Variants in FAM168A observed in about 807,000 individuals in gnomAD.
FAM168A encodes protein FAM168A.
In FAM168A, 3 loss-of-function variants were observed where a neutral mutation model predicts 28.5. The ratio of observed to expected loss-of-function variants is 0.11; its 90% CI spans 0.05 to 0.27. The LOEUF (loss-of-function observed/expected upper bound fraction) is 0.27, where lower values mean the gene tolerates loss of function less well. FAM168A is among the 10% of genes least tolerant of loss of function. The probability of loss-of-function intolerance (pLI) is 1.00; values close to 1 mark genes in which losing one functional copy is unlikely to be tolerated. For synonymous variants in FAM168A, 122 were observed against 124.2 expected (o/e 0.98, Z 0.12); for missense variants, 222 against 311.5 (o/e 0.71, Z 2.16).
At chr11:73,446,587 G>T (rs1299988878) in intron 2 of FAM168A, among the ~76,000 whole-genome samples, 1 of 152,172 alleles carries the variant, frequency 6.6e-6, no homozygotes, top group Non-Finnish European at 1.5e-5. Flanking sequence ...TTTGCTGGAG[G>T]AAGCCTGAGG....
intron 1 of FAM168A, among the ~76,000 whole-genome samples, chr11:73,529,185 A>C (rs1490151167): frequency 6.6e-6 from 1 of 152,182 alleles, no homozygotes; most frequent in Non-Finnish European, 1.5e-5. Flanking sequence ...AAGAGAAATC[A>C]CTTCCACAGA....
At position 73,511,393 on chromosome 11, in the gene FAM168A, C is replaced by T. The variant is rs569570669; in HGVS notation, c.-18-42901G>A. Among the ~76,000 whole-genome samples the T allele has an allele frequency of 2.5e-3, 382 of 152,096 alleles. 3 individuals are homozygous for T. Among genetic ancestry groups the T allele is most frequent in the Non-Finnish European group, 3.0e-3 (207 of 67,986 alleles). On this transcript the variant is annotated intron_variant, in intron 1 of 7. Transcript: ENST00000356467. ...CTGAGACTACAGGCACCGGCCACTACGCCCGGCTAATTTTTTATATTTTCA... is the reference window on the plus strand; with the variant it reads ...CTGAGACTACAGGCACCGGCCACTATGCCCGGCTAATTTTTTATATTTTCA...
chr11:73,447,824 G>A (rs1386830912), intron 2 of FAM168A, among the ~76,000 whole-genome samples: 10 of 151,724 alleles, frequency 6.6e-5, no homozygotes. Flanking sequence ...TTTCCCTACT[G>A]ATTCAACTTC....
At chr11:73,480,283 G>C in intron 1 of FAM168A, among the ~76,000 whole-genome samples, 1 of 152,098 alleles carries the variant, frequency 6.6e-6, no homozygotes, top group East Asian at 1.9e-4. Flanking sequence ...AACCACCAGA[G>C]CATTCAGCCC....
chr11:73,549,355 C>T (rs1416376737), intron 1 of FAM168A, among the ~76,000 whole-genome samples: 2 of 152,168 alleles, frequency 1.3e-5, no homozygotes, highest in Non-Finnish European at 2.9e-5. Context: ...AGCCATTAAC[C>T]ATTCATAGCT....
rs193146395 is a variant in FAM168A, at chr11:73,581,580, T to G, written c.-19+16343A>C. Among the ~76,000 whole-genome samples the G allele has an allele frequency of 1.6e-3, 238 of 152,258 alleles. 1 individual carries two copies. The highest frequency in any genetic ancestry group is 5.3e-3 in the African/African-American group (219 of 41,576). ...GTTCTTCTGACTCCATGTCCAGAAT[T>G]GTCCACACATAAGACCTAGTCTTCT... is the stretch of plus-strand genomic sequence containing the variant. On this transcript the variant is annotated intron_variant, in intron 1 of 7. Coordinates refer to ENST00000356467, the MANE Select transcript of FAM168A (RefSeq NM_015159.3).
chr11:73,589,966 T>C (rs116184342), intron 1 of FAM168A, among the ~76,000 whole-genome samples: 2,345 of 152,290 alleles, frequency 0.015, 63 homozygotes, highest in African/African-American at 0.054. Flanking sequence ...GGACTGGATT[T>C]TCTTTATATT....
At chr11:73,482,393 G>A (rs60642896) in intron 1 of FAM168A, among the ~76,000 whole-genome samples, 2,017 of 151,596 alleles carry the variant, frequency 0.013, 44 homozygotes, top group African/African-American at 0.045. Context: ...TAGAAAGACC[G>A]ACAAATAAAT....
At chr11:73,571,329 T>C (rs1944086287) in intron 1 of FAM168A, among the ~76,000 whole-genome samples, 1 of 146,294 alleles carries the variant, frequency 6.8e-6, no homozygotes, top group South Asian at 2.2e-4. Flanking sequence ...CCATCTCAGC[T>C]CACTGCAACC....
chr11:73,436,062 T>C (rs1412559658), intron 2 of FAM168A, among the ~76,000 whole-genome samples: 3 of 152,172 alleles, frequency 2.0e-5, no homozygotes, highest in Non-Finnish European at 4.4e-5. Flanking sequence ...TTTGTATTTT[T>C]TGAAGGTCAA....
intron 1 of FAM168A, among the ~76,000 whole-genome samples, chr11:73,545,016 A>T (rs1412490290): frequency 1.5e-3 from 134 of 87,906 alleles, no homozygotes; most frequent in Admixed American, 2.1e-3. Context: ...TACTATATAT[A>T]TAGTATATAT....
In FAM168A at chr11:73,430,748, T is replaced by G; in HGVS notation, c.93A>C (p.Ala31=). ...AYTGYPTAYP[A]AAPAYNPSLY... is the part of the protein sequence containing the mutation. ...GGCTGGGATTGTAGGCAGGGGCAGC[T>G]GCTGGATAGGCTGTGGGGTAACCTA... Residue 31 remains alanine (A), a synonymous_variant, in exon 3 of 8, where the codon GCA becomes GCC. Transcript: ENST00000356467. 1 of 1,613,378 alleles carries G rather than the reference T, an allele frequency of 6.2e-7. No individual in the cohort carries two copies. The highest frequency in any genetic ancestry group is 8.5e-7 in the Non-Finnish European group (1 of 1,179,586).
chr11:73,486,587 G>C (rs140229692), intron 1 of FAM168A, among the ~76,000 whole-genome samples: 14 of 152,260 alleles, frequency 9.2e-5, no homozygotes, highest in Admixed American at 3.3e-4. Flanking sequence ...ATCACAAACT[G>C]TAAGTCTGAC....
chr11:73,480,993 T>G (rs1867960512), intron 1 of FAM168A, among the ~76,000 whole-genome samples: 2 of 152,236 alleles, frequency 1.3e-5, no homozygotes, highest in South Asian at 4.1e-4. Context: ...TTACACATGC[T>G]GTTTTGTTTT....
At chr11:73,582,042 T>C (rs1276222157) in intron 1 of FAM168A, among the ~76,000 whole-genome samples, 1 of 152,042 alleles carries the variant, frequency 6.6e-6, no homozygotes, top group Middle Eastern at 3.2e-3. Flanking sequence ...ACCTTGTCTC[T>C]ATTGCATCTG....
intron 1 of FAM168A, among the ~76,000 whole-genome samples, chr11:73,495,003 CA>C (rs1388684863): frequency 9.5e-5 from 12 of 126,984 alleles, no homozygotes; most frequent in Admixed American, 1.7e-4. Flanking sequence ...GAGACTGTCT[CA>C]AAAAAAAAAG....
chr11:73,453,759 C>T (rs866451633), intron 2 of FAM168A, among the ~76,000 whole-genome samples: 3 of 152,350 alleles, frequency 2.0e-5, no homozygotes, highest in Middle Eastern at 3.4e-3. Context: ...CTCCCCACTA[C>T]ATTACGCAAC....
intron 2 of FAM168A, among the ~76,000 whole-genome samples, chr11:73,440,259 T>C (rs1456176484): frequency 3.9e-5 from 6 of 152,158 alleles, no homozygotes; most frequent in African/African-American, 1.4e-4. Context: ...CAACAAAATA[T>C]ATTAGAACAC....
chr11:73,452,588 C>T (rs575930773), intron 2 of FAM168A, among the ~76,000 whole-genome samples: 16 of 152,106 alleles, frequency 1.1e-4, no homozygotes, highest in Non-Finnish European at 1.8e-4. Context: ...AGAAGGAGGC[C>T]TGTTCTCCAT....
Sources: gnomAD v4.1 joint callset for allele counts (sites outside exome capture counted in the v4.1 genomes callset) on GRCh38, gnomAD v4.1.1 for gene constraint, MANE v1.5 for transcripts, NCBI Gene and HGNC (gene_info 2026-07-23, HGNC 2026-07-21) for gene names.